ANO6: variants seen among roughly 807,000 people sequenced by gnomAD.
ANO6 encodes anoctamin 6, also known as anoctamin-6.
In ANO6, 106 loss-of-function variants were observed where a neutral mutation model predicts 117.5. That is an observed-to-expected ratio of 0.90 (90% CI 0.77 to 1.06). ANO6 has a LOEUF of 1.06. Ranked by LOEUF, ANO6 falls within the 50% of genes least tolerant of loss-of-function variation. The pLI, the probability that ANO6 is intolerant of heterozygous loss-of-function variation, is 0.00. For synonymous variants in ANO6, 367 were observed against 385.1 expected (o/e 0.95, Z 0.55); for missense variants, 955 against 1,121.1 (o/e 0.85, Z 2.12).
At position 45,430,040 on chromosome 12, in the gene ANO6, T is replaced by C. The variant is rs912582776; in HGVS notation, c.*729T>C. On this transcript the variant is annotated 3_prime_UTR_variant, in exon 20 of 20. Transcript: ENST00000320560. ...GGTTCCGTGCCTAATCAATGTTGAC[T>C]GCTTTGCAGATCTCAAGGGAATAAA... 6.1e-6 allele frequency: 6 copies of C among 985,370 alleles called. No individual in the cohort carries two copies. The highest frequency in any genetic ancestry group is 7.2e-6 in the Non-Finnish European group (6 of 829,970). The allele number at this position is 985,370 out of a possible 1,614,324, so 61.0% of individuals were successfully genotyped here. A position where few individuals can be genotyped will look rare whatever the true frequency, so the allele number is the denominator to read the frequency against.
At chr12:45,290,829 A>G (rs1774786071) in intron 1 of ANO6, among the ~76,000 whole-genome samples, 1 of 152,190 alleles carries the variant, frequency 6.6e-6, no homozygotes, top group East Asian at 1.9e-4. Context: ...TTGTCCAAAT[A>G]CCAAAACAAT....
chr12:45,370,797 A>G (rs919160395), intron 9 of ANO6, among the ~76,000 whole-genome samples: 3 of 152,198 alleles, frequency 2.0e-5, no homozygotes, highest in Non-Finnish European at 4.4e-5. Flanking sequence ...TGTTCCCCAG[A>G]GCAGGCACGC....
At chr12:45,226,258 A>G (rs1308070189) in intron 1 of ANO6, among the ~76,000 whole-genome samples, 1 of 152,238 alleles carries the variant, frequency 6.6e-6, no homozygotes, top group Non-Finnish European at 1.5e-5. Flanking sequence ...TTGAATACTA[A>G]TTGAAAGATC....
intron 1 of ANO6, among the ~76,000 whole-genome samples, chr12:45,262,487 G>A (rs1190644513): frequency 6.6e-5 from 10 of 151,594 alleles, no homozygotes; most frequent in East Asian, 1.9e-4. Context: ...GCAATGGCGC[G>A]ATCTCTGGCT....
intron 1 of ANO6, among the ~76,000 whole-genome samples, chr12:45,268,899 A>G (rs1592897564): frequency 6.6e-6 from 1 of 152,374 alleles, no homozygotes; most frequent in Non-Finnish European, 1.5e-5. Context: ...TGCTCAGGGC[A>G]GCACATGCAT....
intron 1 of ANO6, among the ~76,000 whole-genome samples, chr12:45,254,351 G>A (rs1937735396): frequency 6.6e-6 from 1 of 152,354 alleles, no homozygotes; most frequent in South Asian, 2.1e-4. Flanking sequence ...GGAATAGGGG[G>A]AGAGGAGGAT....
chr12:45,372,745 C>T (rs575502302), intron 9 of ANO6, among the ~76,000 whole-genome samples: 161 of 152,230 alleles, frequency 1.1e-3, no homozygotes, highest in Non-Finnish European at 1.8e-3. Context: ...CAGTACCAGG[C>T]GCTGCAAAAT....
At chr12:45,390,079 T>C (rs1454113728) in intron 11 of ANO6, among the ~76,000 whole-genome samples, 1 of 152,238 alleles carries the variant, frequency 6.6e-6, no homozygotes, top group Non-Finnish European at 1.5e-5. Flanking sequence ...GCCTGTGCTC[T>C]GCGCTATCAT....
intron 15 of ANO6, among the ~76,000 whole-genome samples, chr12:45,406,979 G>A (rs1354523452): frequency 6.6e-6 from 1 of 152,158 alleles, no homozygotes; most frequent in African/African-American, 2.4e-5. Context: ...AAATTCCTAT[G>A]GAAATTATTT....
intron 2 of ANO6, among the ~76,000 whole-genome samples, chr12:45,317,113 G>GTGTGTGTGTGTATA: frequency 4.5e-5 from 3 of 66,444 alleles, no homozygotes; most frequent in African/African-American, 1.2e-4. Context: ...CTTTTTATAT[G>GTGTGTGTGTGTATA]TATATATATA....
At chr12:45,255,825 T>TG (rs1234736835) in intron 1 of ANO6, among the ~76,000 whole-genome samples, 1 of 146,372 alleles carries the variant, frequency 6.8e-6, no homozygotes. Context: ...GGTGTTTTTT[T>TG]TTTTTTTTTT....
rs557212334 is a variant in ANO6 at position 45,386,238 on chromosome 12, T to G, written c.1166-1923T>G. On this transcript the variant is annotated intron_variant, in intron 10 of 19. Coordinates refer to ENST00000320560, the MANE Select transcript of ANO6 (RefSeq NM_001025356.3). ...CCTGCATCTCATTTAATGGTCTTAT[T>G]CTCTCATGGCCCCAATTGCCACTTA... Among the ~76,000 whole-genome samples, 139 of 152,250 alleles carry G rather than the reference T, an allele frequency of 9.1e-4. 4 individuals are homozygous for G. The South Asian group carries it at 0.027, about 30-fold the overall frequency.
intron 1 of ANO6, among the ~76,000 whole-genome samples, chr12:45,233,119 T>C (rs567006726): frequency 1.1e-4 from 16 of 151,902 alleles, no homozygotes; most frequent in Non-Finnish European, 2.1e-4. Context: ...GGAGGAAGAG[T>C]TTAACCTGAC....
chr12:45,247,576 C>T (rs141572563), intron 1 of ANO6, among the ~76,000 whole-genome samples: 1 of 152,214 alleles, frequency 6.6e-6, no homozygotes, highest in Non-Finnish European at 1.5e-5. Context: ...GTACCACAGT[C>T]TCTACAGCTT....
chr12:45,301,004 T>C (rs1198580167), intron 1 of ANO6, among the ~76,000 whole-genome samples: 2 of 152,204 alleles, frequency 1.3e-5, no homozygotes, highest in Non-Finnish European at 2.9e-5. Flanking sequence ...CCCTCTAACA[T>C]GGCACTTGTC....
chr12:45,334,160 A>G (rs1003997914), intron 3 of ANO6, among the ~76,000 whole-genome samples: 1 of 152,086 alleles, frequency 6.6e-6, no homozygotes, highest in Non-Finnish European at 1.5e-5. Context: ...TAAACCATTT[A>G]CATTTAGATT....
At chr12:45,327,736 CTT>C (rs1333086933) in intron 2 of ANO6, among the ~76,000 whole-genome samples, 2 of 152,048 alleles carry the variant, frequency 1.3e-5, no homozygotes, top group Non-Finnish European at 2.9e-5. Context: ...TTTTAAGAAA[CTT>C]AGCTCATGTC....
chr12:45,394,212 C>G (rs1425119100), intron 12 of ANO6, among the ~76,000 whole-genome samples: 1 of 152,080 alleles, frequency 6.6e-6, no homozygotes, highest in Non-Finnish European at 1.5e-5. Flanking sequence ...TCTCATAAAG[C>G]AGACTTTAAA....
chr12:45,355,499 A>G (rs2137469035), intron 7 of ANO6, among the ~76,000 whole-genome samples: 1 of 152,280 alleles, frequency 6.6e-6, no homozygotes, highest in South Asian at 2.1e-4. Flanking sequence ...TCCAATTTAA[A>G]TATGGCATTT....
Sources: gnomAD v4.1 joint callset for allele counts (sites outside exome capture counted in the v4.1 genomes callset) on GRCh38, gnomAD v4.1.1 for gene constraint, MANE v1.5 for transcripts, NCBI Gene and HGNC (gene_info 2026-07-23, HGNC 2026-07-21) for gene names.